WDR25: variants seen among roughly 807,000 people sequenced by gnomAD.
The protein encoded by WDR25 is WD repeat domain 25, also known as WD repeat-containing protein 25.
A neutral mutation model predicts 47.7 loss-of-function variants in WDR25; 35 were observed. The observed-to-expected ratio is 0.73, with a 90% confidence interval of 0.56 to 0.97. The LOEUF (loss-of-function observed/expected upper bound fraction) is 0.97, where lower values mean the gene tolerates loss of function less well. Ranked by LOEUF, WDR25 falls within the 50% of genes least tolerant of loss-of-function variation. The pLI is 0.00. For missense variants in WDR25, 634 were observed against 704.7 expected (o/e 0.90, Z 1.14); for synonymous variants, 248 against 278.9 (o/e 0.89, Z 1.10).
intron 2 of WDR25, among the ~76,000 whole-genome samples, chr14:100,393,132 A>G (rs1207610722): frequency 8.5e-5 from 13 of 152,284 alleles, no homozygotes; most frequent in Non-Finnish European, 2.9e-5. Flanking sequence ...CTTTCAGAAC[A>G]TTCTTAACCT....
At chr14:100,405,878 T>C (rs1221876613) in intron 2 of WDR25, among the ~76,000 whole-genome samples, 1 of 152,204 alleles carries the variant, frequency 6.6e-6, no homozygotes, top group Non-Finnish European at 1.5e-5. Flanking sequence ...AACTGGCCAT[T>C]TGGAGACAGG....
In WDR25 at chr14:100,525,728, G is replaced by C; in HGVS notation, c.1102-142G>C. ...GGGTCCATGATTCCATATATGGCTTGTGGGTGCTGCTCAGCCTGGGTGTGT... is the reference window on the plus strand; with the variant it reads ...GGGTCCATGATTCCATATATGGCTTCTGGGTGCTGCTCAGCCTGGGTGTGT... On this transcript the variant is annotated intron_variant, in intron 4 of 6. Coordinates refer to ENST00000402312, the MANE Select transcript of WDR25 (RefSeq NM_001161476.3). This position sits in a 1 kb window ranked among gnomAD's most constrained non-coding sequence, Gnocchi z 4.6. 1 of 928,380 alleles carries C rather than the reference G, an allele frequency of 1.1e-6. No homozygotes were observed. The highest frequency in any genetic ancestry group is 2.7e-5 in the East Asian group (1 of 37,712). 57.5% of individuals were successfully genotyped at this position (928,380 alleles called of 1,614,324 possible).
At chr14:100,454,132 C>T (rs1467787296) in intron 2 of WDR25, among the ~76,000 whole-genome samples, 1 of 152,144 alleles carries the variant, frequency 6.6e-6, no homozygotes, top group Non-Finnish European at 1.5e-5. Flanking sequence ...GTACCCTGCC[C>T]TTAGAGATGC....
intron 3 of WDR25, among the ~76,000 whole-genome samples, chr14:100,473,883 A>G (rs915368195): frequency 7.9e-5 from 12 of 152,080 alleles, no homozygotes; most frequent in African/African-American, 2.4e-4. Context: ...GCTTAGGAGG[A>G]CTTGATTAGG....
In WDR25 at chr14:100,499,093, A is replaced by G. The variant is rs1399875959; in HGVS notation, c.1101+14969A>G. On this transcript the variant is annotated intron_variant, in intron 4 of 6. Transcript: ENST00000402312. The surrounding 1 kb of genome is among the most constrained non-coding windows in gnomAD (Gnocchi z 4.4). ...TTCGTTTTGATTAGAAAAGGAATAC[A>G]TGGTCTTTGTTGGCTACTTGGGAAA... Among the ~76,000 whole-genome samples the G allele has an allele frequency of 6.6e-6, 1 of 152,196 alleles. No homozygotes were observed. Among genetic ancestry groups the G allele is most frequent in the Non-Finnish European group, 1.5e-5 (1 of 68,044 alleles).
intron 4 of WDR25, among the ~76,000 whole-genome samples, chr14:100,489,569 C>T (rs1900495231): frequency 6.6e-6 from 1 of 152,046 alleles, no homozygotes; most frequent in Non-Finnish European, 1.5e-5. Flanking sequence ...ATTATGGAAC[C>T]CCAACCTCAG....
chr14:100,419,221 CAAAAAAA>C (rs767240939), intron 2 of WDR25, among the ~76,000 whole-genome samples: 771 of 72,226 alleles, frequency 0.011, 8 homozygotes, highest in African/African-American at 0.035. Flanking sequence ...GACTCCATCA[CAAAAAAA>C]AAAAAAAAAA....
chr14:100,513,669 T>C (rs1016514524), intron 4 of WDR25, among the ~76,000 whole-genome samples: 9 of 151,672 alleles, frequency 5.9e-5, no homozygotes, highest in African/African-American at 2.2e-4. Context: ...ATTGATTCTT[T>C]TATCATTGTG....
At chr14:100,501,168 T>C (rs1390279385) in intron 4 of WDR25, among the ~76,000 whole-genome samples, 1 of 152,176 alleles carries the variant, frequency 6.6e-6, no homozygotes, top group Non-Finnish European at 1.5e-5. Context: ...GGCAGGGCAC[T>C]TCACCTGTCT....
chr14:100,382,698 G>T (rs1896933737), intron 2 of WDR25, among the ~76,000 whole-genome samples: 1 of 152,186 alleles, frequency 6.6e-6, no homozygotes, highest in South Asian at 2.1e-4. Flanking sequence ...CAAAGCACCT[G>T]ATATGTAGCG....
At position 100,502,672 on chromosome 14, in the gene WDR25, C is replaced by T. The variant is rs932625192; in HGVS notation, c.1101+18548C>T. Among the ~76,000 whole-genome samples, 3 of 152,130 alleles carry T rather than the reference C, an allele frequency of 2.0e-5. No homozygotes were observed. Among genetic ancestry groups the T allele is most frequent in the Admixed American group, 1.3e-4 (2 of 15,282 alleles). Reference sequence around the variant, plus strand: ...GAACATGAGGTCCCTCCCTGCATGGCGAGGGGAGGAGTCAGTCTCCACAGA... The same window carrying T: ...GAACATGAGGTCCCTCCCTGCATGGTGAGGGGAGGAGTCAGTCTCCACAGA... On this transcript the variant is annotated intron_variant, in intron 4 of 6. Transcript: ENST00000402312. The surrounding 1 kb of genome is among the most constrained non-coding windows in gnomAD (Gnocchi z 4.5).
At chr14:100,484,532 G>A (rs138638740) in intron 4 of WDR25, among the ~76,000 whole-genome samples, 1 of 151,954 alleles carries the variant, frequency 6.6e-6, no homozygotes, top group Non-Finnish European at 1.5e-5. Flanking sequence ...GAGGAAGGGA[G>A]GGGGTAAGTG....
At chr14:100,477,040 A>G (rs947736718) in intron 3 of WDR25, among the ~76,000 whole-genome samples, 4 of 152,194 alleles carry the variant, frequency 2.6e-5, no homozygotes, top group Non-Finnish European at 4.4e-5. Flanking sequence ...TGCAACTTCT[A>G]TGTTAACTAA....
intron 2 of WDR25, among the ~76,000 whole-genome samples, chr14:100,444,003 C>T (rs1898749690): frequency 6.6e-6 from 1 of 152,156 alleles, no homozygotes; most frequent in African/African-American, 2.4e-5. Context: ...ACCTGTCAGC[C>T]AGAGGAAGAG....
rs375813224 is a variant in WDR25, at chr14:100,525,331, G to A, written c.1102-539G>A. Among the ~76,000 whole-genome samples the A allele has an allele frequency of 1.6e-4, 25 of 152,276 alleles. No individual in the cohort carries two copies. The highest frequency in any genetic ancestry group is 6.0e-4 in the African/African-American group (25 of 41,562). On this transcript the variant is annotated intron_variant, in intron 4 of 6. Coordinates refer to ENST00000402312, the MANE Select transcript of WDR25 (RefSeq NM_001161476.3). This position sits in a 1 kb window ranked among gnomAD's most constrained non-coding sequence, Gnocchi z 4.6. ...ATGAGACAGCAGACTGTGAAGTATC[G>A]GTGATGATGCTAAAACAATACAAAG...
intron 2 of WDR25, among the ~76,000 whole-genome samples, chr14:100,432,751 T>C (rs551400774): frequency 8.5e-5 from 13 of 152,362 alleles, no homozygotes; most frequent in African/African-American, 3.1e-4. Context: ...GAAAATAACA[T>C]TGAAGCACTA....
At chr14:100,431,779 G>A (rs534657513) in intron 2 of WDR25, among the ~76,000 whole-genome samples, 143 of 148,424 alleles carry the variant, frequency 9.6e-4, no homozygotes, top group African/African-American at 2.7e-3. Context: ...GCATGATCTC[G>A]GCTCACTGCA....
chr14:100,525,044 A>G lies in WDR25; in HGVS notation c.1102-826A>G, dbSNP rs1055722680. Among the ~76,000 whole-genome samples, 6 of 152,198 alleles carry G rather than the reference A, an allele frequency of 3.9e-5. No individual in the cohort carries two copies. Among genetic ancestry groups the G allele is most frequent in the Admixed American group, 1.3e-4 (2 of 15,280 alleles). ...ACATGGTGGCGGCCCAGGAACTGGT[A>G]AAGGGACCGGCCGGCCCCTGCGACC... is the stretch of plus-strand genomic sequence containing the variant. On this transcript the variant is annotated intron_variant, in intron 4 of 6. Transcript: ENST00000402312. This position sits in a 1 kb window ranked among gnomAD's most constrained non-coding sequence, Gnocchi z 4.6.
At chr14:100,381,792 A>C in intron 2 of WDR25, 46 bp downstream of exon 2, 1 of 1,456,278 alleles carries the variant, frequency 6.9e-7, no homozygotes, top group East Asian at 2.3e-5. Context: ...TCTTAGGAAT[A>C]CACTGCTGGA....
Sources: allele counts gnomAD v4.1 joint callset (sites outside exome capture counted in the v4.1 genomes callset), GRCh38; gene constraint gnomAD v4.1.1; non-coding constraint Gnocchi (gnomAD v3.1); transcripts MANE v1.5; gene names NCBI Gene and HGNC (gene_info 2026-07-23, HGNC 2026-07-21).